F8: variants seen among roughly 807,000 people sequenced by gnomAD.
F8 encodes antihemophilic factor.
In F8, 12 loss-of-function variants were observed where a neutral mutation model predicts 140.6. That is an observed-to-expected ratio of 0.09 (90% CI 0.05 to 0.14). The LOEUF (loss-of-function observed/expected upper bound fraction) is 0.14. Among genes scored for constraint, F8 ranks in the 10% least tolerant of loss-of-function variants. The probability of loss-of-function intolerance (pLI) is 1.00; values close to 1 mark genes in which losing one functional copy is unlikely to be tolerated. For synonymous variants in F8, 585 were observed against 614.6 expected, an observed-to-expected ratio of 0.95 and a Z score of 0.71; for missense variants, 1,354 against 1,720.7, an observed-to-expected ratio of 0.79 and a Z score of 3.77.
intron 9 of F8, among the ~76,000 whole-genome samples, chrX:154,964,417 C>T (rs1378781777): frequency 9.1e-6 from 1 of 110,450 alleles, no homozygotes; most frequent in Admixed American, 9.6e-5. Context: ...AAAAATTGTA[C>T]AATAATAGCT....
intron 14 of F8, among the ~76,000 whole-genome samples, chrX:154,921,277 T>A (rs111362104): frequency 2.7e-5 from 3 of 111,820 alleles, no homozygotes; most frequent in Non-Finnish European, 3.8e-5. Flanking sequence ...CACATGAAAA[T>A]ATGCTCATCA....
At chrX:154,855,837 A>T (rs782126546) in intron 25 of F8, among the ~76,000 whole-genome samples, 6 of 111,350 alleles carry the variant, frequency 5.4e-5, no homozygotes, top group Non-Finnish European at 1.1e-4. Flanking sequence ...GTGACCCATG[A>T]CAAGGTGCAC....
chrX:154,877,882 C>T (rs782412905), intron 22 of F8, among the ~76,000 whole-genome samples: 32 of 111,931 alleles, frequency 2.9e-4, no homozygotes, highest in Non-Finnish European at 4.7e-4. Context: ...TGATTAGAAA[C>T]CTGCTTGGGG....
intron 25 of F8, among the ~76,000 whole-genome samples, chrX:154,858,945 T>A (rs2072669095): frequency 8.9e-6 from 1 of 112,177 alleles, no homozygotes; most frequent in Non-Finnish European, 1.9e-5. Flanking sequence ...TGTGAAGGTG[T>A]TTTTGAATGG....
Position 154,929,283 on chromosome X carries a change from C to G in F8, c.4507G>C (p.Asp1503His), listed in dbSNP as rs782504502. Residue 1503 changes from aspartate (D) to histidine (H), a missense_variant, in exon 14 of 26, where the codon GAC (aspartate) becomes CAC (histidine). Asp to His is a moderately conservative substitution (Grantham distance 81). Coordinates refer to ENST00000360256, the MANE Select transcript of F8 (RefSeq NM_000132.4). ...KVENTVLPKP[D>H]LPKTSGKVEL... ...ACTTTGCCAGATGTTTTGGGCAAGTCTGGTTTCGGGAGAACAGTGTTCTCA... is the reference window on the plus strand; with the variant it reads ...ACTTTGCCAGATGTTTTGGGCAAGTGTGGTTTCGGGAGAACAGTGTTCTCA... 5 of 1,211,907 alleles carry G rather than the reference C, an allele frequency of 4.1e-6. No homozygotes were observed. The East Asian group carries it at 1.2e-4, about 29-fold the overall frequency.
intron 2 of F8, among the ~76,000 whole-genome samples, chrX:154,998,996 A>G (rs1008815580): frequency 9.9e-5 from 11 of 111,264 alleles, no homozygotes; most frequent in Non-Finnish European, 2.1e-4. Context: ...AGCAACACAT[A>G]AAACACCGAA....
chrX:154,943,133 T>C (rs1210342316), intron 13 of F8, among the ~76,000 whole-genome samples: 6 of 111,772 alleles, frequency 5.4e-5, no homozygotes, highest in African/African-American at 2.0e-4. Flanking sequence ...TCTCTCACCT[T>C]TCCTATTCAA....
At chrX:154,900,914 A>G (rs1412576776) in intron 20 of F8, among the ~76,000 whole-genome samples, 1 of 112,876 alleles carries the variant, frequency 8.9e-6, no homozygotes, top group East Asian at 2.8e-4. Context: ...GTCATGAAAT[A>G]GTCTTCATCT....
At chrX:154,958,993 A>G (rs891532881) in intron 10 of F8, among the ~76,000 whole-genome samples, 1 of 112,168 alleles carries the variant, frequency 8.9e-6, no homozygotes, top group African/African-American at 3.2e-5. Flanking sequence ...TATGTACCAC[A>G]TATTTAGAAG....
At chrX:154,955,692 C>G (rs1382349220) in intron 11 of F8, among the ~76,000 whole-genome samples, 1 of 110,834 alleles carries the variant, frequency 9.0e-6, no homozygotes, top group East Asian at 2.8e-4. Context: ...TAGTGATTTT[C>G]AAAGGGGAGG....
At chrX:154,854,589 C>CG (rs2072637711) in intron 25 of F8, among the ~76,000 whole-genome samples, 8 of 65,443 alleles carry the variant, frequency 1.2e-4, no homozygotes, top group Non-Finnish European at 2.5e-4. Context: ...GAGCTAATTC[C>CG]TTGTGTGTGT....
At position 154,993,488 on chromosome X, in the gene F8, G is replaced by A. The variant is rs182002243; in HGVS notation, c.389-340C>T. Among the ~76,000 whole-genome samples the A allele has an allele frequency of 1.9e-4, 21 of 111,709 alleles. No individual in the cohort carries two copies. In the East Asian group the frequency reaches 5.3e-3, roughly 28 times the overall value. On this transcript the variant is annotated intron_variant, in intron 3 of 25. Transcript: ENST00000360256. ...AGGATGGTCTTAAACTCCTGACCTTGTGATCCACCCGCCTCAGCCTCCCAA... is the reference window on the plus strand; with the variant it reads ...AGGATGGTCTTAAACTCCTGACCTTATGATCCACCCGCCTCAGCCTCCCAA...
At chrX:154,936,961 C>A (rs2073228186) in intron 13 of F8, among the ~76,000 whole-genome samples, 1 of 111,311 alleles carries the variant, frequency 9.0e-6, no homozygotes, top group Non-Finnish European at 1.9e-5. Flanking sequence ...AAGTAAAACA[C>A]TGTAAAATAA....
intron 6 of F8, among the ~76,000 whole-genome samples, chrX:154,982,462 A>ATAT (rs1281701749): frequency 5.3e-5 from 5 of 94,760 alleles, no homozygotes; most frequent in African/African-American, 1.7e-4. Context: ...AAAAAAAAAA[A>ATAT]AAATATATAT....
chrX:154,931,340 G>C lies in F8; in HGVS notation c.2450C>G (p.Pro817Arg). The C allele has an allele frequency of 4.1e-6, 5 of 1,209,878 alleles. No individual in the cohort carries two copies. Among genetic ancestry groups the C allele is most frequent in the Non-Finnish European group, 4.5e-6 (4 of 893,903 alleles). The change falls in exon 14 of 26, where the codon CCT (proline) becomes CGT (arginine). Residue 817 changes from proline to arginine, a missense_variant. Pro to Arg is a moderately radical substitution (Grantham distance 103). Around this residue, in one of 4 missense-constraint regions of F8, gnomAD observed 658 missense variants for 666.5 expected, o/e 0.99. Coordinates refer to ENST00000360256, the MANE Select transcript of F8 (RefSeq NM_000132.4). ...SDLLMLLRQSPTPHGLSLSDL... is the reference protein window; with the variant it reads ...SDLLMLLRQSRTPHGLSLSDL... ...AGATAAGGATAGCCCATGTGGAGTA[G>C]GACTCTGTCGCAAGAGCATCAACAA...
intron 22 of F8, among the ~76,000 whole-genome samples, chrX:154,888,402 TTTTTC>T (rs1390637720): frequency 6.9e-5 from 6 of 87,195 alleles, no homozygotes; most frequent in African/African-American, 3.1e-4. Context: ...TTTTTTTTTT[TTTTTC>T]CCCCCGAGAT....
intron 12 of F8, among the ~76,000 whole-genome samples, chrX:154,950,578 G>T (rs980906250): frequency 2.7e-5 from 3 of 111,724 alleles, no homozygotes; most frequent in Non-Finnish European, 3.8e-5. Flanking sequence ...GGGAAAAATA[G>T]AATATATTAT....
At chrX:154,907,044 A>G (rs782641187) in intron 14 of F8, among the ~76,000 whole-genome samples, 15 of 112,131 alleles carry the variant, frequency 1.3e-4, no homozygotes, top group African/African-American at 4.9e-4. Context: ...AACATTGCCA[A>G]CAACCCACAA....
At chrX:154,979,767 T>C (rs1393680262) in intron 6 of F8, among the ~76,000 whole-genome samples, 4 of 112,024 alleles carry the variant, frequency 3.6e-5, no homozygotes, top group Non-Finnish European at 7.5e-5. Flanking sequence ...ACGGCCATCA[T>C]AGCAGGGCAG....
Sources: gnomAD v4.1 joint callset for allele counts (sites outside exome capture counted in the v4.1 genomes callset) on GRCh38, gnomAD v4.1.1 for gene constraint, gnomAD v4.1.1 regional missense constraint, MANE v1.5 for transcripts, NCBI Gene and HGNC (gene_info 2026-07-23, HGNC 2026-07-21) for gene names.